LUZP2: variants seen among roughly 807,000 people sequenced by gnomAD.
The protein encoded by LUZP2 is leucine zipper protein 2.
Under a neutral mutation model 51.6 loss-of-function variants are expected in LUZP2, and 52 were observed. That is an observed-to-expected ratio of 1.01 (90% CI 0.81 to 1.27). The LOEUF is 1.27. Ranked by LOEUF, LUZP2 falls within the 50% of genes most tolerant of loss-of-function variation. The pLI, the probability that LUZP2 is intolerant of heterozygous loss-of-function variation, is 0.00. For missense variants in LUZP2, 436 were observed against 395.4 expected, an observed-to-expected ratio of 1.10 and a Z score of -0.87; for synonymous variants, 154 against 137.3, an observed-to-expected ratio of 1.12 and a Z score of -0.85.
At chr11:25,068,460 T>G (rs1332774524) in intron 10 of LUZP2, among the ~76,000 whole-genome samples, 2 of 151,968 alleles carry the variant, frequency 1.3e-5, no homozygotes, top group African/African-American at 4.8e-5. Context: ...TGTTGCCAAG[T>G]TTCAACTTCT....
chr11:24,524,584 T>G (rs532902698), intron 1 of LUZP2, among the ~76,000 whole-genome samples: 1 of 151,792 alleles, frequency 6.6e-6, no homozygotes, highest in Non-Finnish European at 1.5e-5. Flanking sequence ...CACCATTGTT[T>G]ATAATTTAGT....
At position 24,611,667 on chromosome 11, in the gene LUZP2, G is replaced by A. The variant is rs73433044; in HGVS notation, c.62+114362G>A. Among the ~76,000 whole-genome samples the A allele has an allele frequency of 3.0e-3, 457 of 152,140 alleles. 1 individual carries two copies. Among genetic ancestry groups the A allele is most frequent in the African/African-American group, 0.01 (434 of 41,520 alleles). ...CGTCATCATCATCATCATCCCTGGC[G>A]TTTATTGAGCCCTCCTTCAACACAT... is the stretch of plus-strand genomic sequence containing the variant. On this transcript the variant is annotated intron_variant, in intron 1 of 11. Transcript: ENST00000336930. The surrounding 1 kb of genome is among the most constrained non-coding windows in gnomAD (Gnocchi z 4.6).
rs374633676 is a variant in LUZP2 at position 24,879,224 on chromosome 11, G to A, written c.397-26767G>A. Among the ~76,000 whole-genome samples, 339 of 152,222 alleles carry A rather than the reference G, an allele frequency of 2.2e-3. 2 individuals carry two copies. In the South Asian group the frequency reaches 0.023, roughly 10 times the overall value. ...CTCCCAAAGTACTGGGATTACAGGC[G>A]TGAGGCACCCTGCCCAGCTGATCTC... On this transcript the variant is annotated intron_variant, in intron 5 of 11. Coordinates refer to ENST00000336930, the MANE Select transcript of LUZP2 (RefSeq NM_001009909.4).
chr11:24,551,412 T>C (rs2133748039), intron 1 of LUZP2, among the ~76,000 whole-genome samples: 1 of 152,168 alleles, frequency 6.6e-6, no homozygotes, highest in African/African-American at 2.4e-5. Flanking sequence ...AAAATGATGA[T>C]TTGTTCAGCA....
At chr11:24,593,430 G>A (rs16912898) in intron 1 of LUZP2, among the ~76,000 whole-genome samples, 2,095 of 152,254 alleles carry the variant, frequency 0.014, 37 homozygotes, top group South Asian at 0.058. Flanking sequence ...GATGTCCACT[G>A]AAGGCTGTTC....
At chr11:24,625,899 C>T (rs966353937) in intron 1 of LUZP2, among the ~76,000 whole-genome samples, 1 of 146,400 alleles carries the variant, frequency 6.8e-6, no homozygotes, top group Non-Finnish European at 1.5e-5. Flanking sequence ...CAGCATGTTT[C>T]CAGAAAACAT....
intron 1 of LUZP2, among the ~76,000 whole-genome samples, chr11:24,703,211 A>G (rs10767239): frequency 0.84 from 128,160 of 152,166 alleles, 54,075 homozygotes; most frequent in East Asian, 0.93. Flanking sequence ...CCTCCTACTG[A>G]CCTCTGTATC....
chr11:24,906,162 G>T, intron 6 of LUZP2, 109 bp downstream of exon 6: 1 of 568,766 alleles, frequency 1.8e-6, no homozygotes, highest in South Asian at 3.2e-5. Context: ...TAATACAAAT[G>T]CCAATTTTTA....
chr11:24,721,121 C>T (rs1858253632), intron 1 of LUZP2, among the ~76,000 whole-genome samples: 1 of 152,194 alleles, frequency 6.6e-6, no homozygotes, highest in African/African-American at 2.4e-5. Context: ...GCCATGTCCA[C>T]TAGCGTGCCT....
At chr11:24,733,937 A>G (rs569583937) in intron 3 of LUZP2, among the ~76,000 whole-genome samples, 13 of 151,902 alleles carry the variant, frequency 8.6e-5, no homozygotes, top group African/African-American at 3.1e-4. Context: ...AAGATTAGAA[A>G]ATAAATCTGT....
chr11:24,869,476 A>G (rs1851992094), intron 5 of LUZP2, among the ~76,000 whole-genome samples: 1 of 151,924 alleles, frequency 6.6e-6, no homozygotes, highest in African/African-American at 2.4e-5. Flanking sequence ...ATCATTATTT[A>G]GATGGAGTCT....
intron 1 of LUZP2, among the ~76,000 whole-genome samples, chr11:24,602,072 G>GTGTATATA (rs1491193669): frequency 5.0e-4 from 30 of 60,208 alleles, no homozygotes; most frequent in African/African-American, 1.8e-3. Flanking sequence ...GTATATATAT[G>GTGTATATA]CGTATATATG....
At chr11:24,634,044 T>G (rs1854990715) in intron 1 of LUZP2, among the ~76,000 whole-genome samples, 1 of 151,842 alleles carries the variant, frequency 6.6e-6, no homozygotes, top group African/African-American at 2.4e-5. Flanking sequence ...GAGCTGAGAC[T>G]CTGAAGACAG....
rs1856088457 is a variant in LUZP2 at position 24,983,162 on chromosome 11, C to T, written c.634C>T (p.Leu212Phe). 6.2e-7 allele frequency: 1 copy of T among 1,612,052 alleles called. No individual in the cohort carries two copies. Among genetic ancestry groups the T allele is most frequent in the Non-Finnish European group, 8.5e-7 (1 of 1,178,826 alleles). The change falls in exon 9 of 12, where the codon CTC (leucine) becomes TTC (phenylalanine). Residue 212 changes from leucine to phenylalanine, a missense_variant. Leu to Phe is a conservative substitution (Grantham distance 22). Transcript: ENST00000336930. ...GAAAGCAATGAAAGAGACTGTGCAG[C>T]TCTGCTTGACATCTGTTTTCCGTGA... The part of the protein sequence containing the change: ...QMKAMKETVQ[L>F]CLTSVFRDQP...
intron 10 of LUZP2, among the ~76,000 whole-genome samples, chr11:25,068,844 G>A (rs1240235174): frequency 6.6e-6 from 1 of 151,828 alleles, no homozygotes; most frequent in Admixed American, 6.6e-5. Flanking sequence ...CCTCACAACT[G>A]CTACCTTTGA....
At chr11:24,517,324 A>C (rs977240518) in intron 1 of LUZP2, among the ~76,000 whole-genome samples, 1 of 151,648 alleles carries the variant, frequency 6.6e-6, no homozygotes, top group East Asian at 2.0e-4. Flanking sequence ...TCTCTACTAA[A>C]CATACAAAAA....
chr11:24,530,413 A>G (rs901672021), intron 1 of LUZP2, among the ~76,000 whole-genome samples: 2 of 150,798 alleles, frequency 1.3e-5, no homozygotes, highest in East Asian at 1.9e-4. Context: ...ACCCACACAC[A>G]TATATATGTG....
chr11:24,516,532 C>A (rs1167815197), intron 1 of LUZP2, among the ~76,000 whole-genome samples: 3 of 152,142 alleles, frequency 2.0e-5, no homozygotes, highest in Admixed American at 1.3e-4. Flanking sequence ...TGAGTAACAA[C>A]ATTTTAATTG....
rs970913457 is a variant in LUZP2, at chr11:25,007,221, C to T, written c.765+23928C>T. Among the ~76,000 whole-genome samples the T allele has an allele frequency of 9.2e-5, 14 of 152,260 alleles. No homozygotes were observed. The East Asian group carries it at 1.5e-3, about 17-fold the overall frequency. ...TCCCCACCCGACCCAGAAGCCCAGC[C>T]GGGTTCACCTCTCACTATTATTGTT... is the stretch of plus-strand genomic sequence containing the variant. On this transcript the variant is annotated intron_variant, in intron 9 of 11. Coordinates refer to ENST00000336930, the MANE Select transcript of LUZP2 (RefSeq NM_001009909.4).
Sources: allele counts gnomAD v4.1 joint callset (sites outside exome capture counted in the v4.1 genomes callset), GRCh38; gene constraint gnomAD v4.1.1; non-coding constraint Gnocchi (gnomAD v3.1); transcripts MANE v1.5; gene names NCBI Gene and HGNC (gene_info 2026-07-23, HGNC 2026-07-21).